MARK2: variants seen among roughly 807,000 people sequenced by gnomAD.
The protein encoded by MARK2 is serine/threonine-protein kinase MARK2.
A neutral mutation model predicts 89.8 loss-of-function variants in MARK2; 16 were observed. The ratio of observed to expected loss-of-function variants is 0.18; its 90% CI spans 0.12 to 0.27. The LOEUF (loss-of-function observed/expected upper bound fraction) is 0.27. Among genes scored for constraint, MARK2 ranks in the 10% least tolerant of loss-of-function variants. The probability of loss-of-function intolerance (pLI) is 1.00; values close to 1 mark genes in which losing one functional copy is unlikely to be tolerated. For missense variants in MARK2, 621 were observed against 1,049.9 expected, an observed-to-expected ratio of 0.59 and a Z score of 5.65; for synonymous variants, 382 against 399.5, an observed-to-expected ratio of 0.96 and a Z score of 0.52.
Position 63,840,583 on chromosome 11 carries a change from C to T in MARK2, c.54+1023C>T, listed in dbSNP as rs953570712. Among the ~76,000 whole-genome samples the T allele has an allele frequency of 3.3e-5, 5 of 152,188 alleles. No individual in the cohort carries two copies. The East Asian group carries it at 7.7e-4, about 23-fold the overall frequency. Reference sequence around the variant, plus strand: ...TGATGACTTTCTGTGTCTTCACTCCCGTGCCTGGCACTTAGAGTATTTTCT... The same window carrying T: ...TGATGACTTTCTGTGTCTTCACTCCTGTGCCTGGCACTTAGAGTATTTTCT... On this transcript the variant is annotated intron_variant, in intron 1 of 18. Coordinates refer to ENST00000402010, the MANE Select transcript of MARK2 (RefSeq NM_001039469.3).
intron 1 of MARK2, among the ~76,000 whole-genome samples, chr11:63,871,090 AGTTAT>A (rs1938418639): frequency 6.6e-6 from 1 of 152,190 alleles, no homozygotes; most frequent in South Asian, 2.1e-4. Flanking sequence ...ACATAAAATC[AGTTAT>A]GTTTGTGTGT....
At chr11:63,854,513 A>G (rs1430573529) in intron 1 of MARK2, among the ~76,000 whole-genome samples, 1 of 149,718 alleles carries the variant, frequency 6.7e-6, no homozygotes, top group Non-Finnish European at 1.5e-5. Flanking sequence ...CACCATGCCC[A>G]GTCTTTTATT....
At chr11:63,882,967 C>T (rs770011980) in intron 1 of MARK2, among the ~76,000 whole-genome samples, 5 of 152,180 alleles carry the variant, frequency 3.3e-5, no homozygotes, top group African/African-American at 4.8e-5. Flanking sequence ...TCTGCCTACC[C>T]CCACCACCCC....
chr11:63,899,233 T>C (rs373676706), intron 7 of MARK2, 125 bp downstream of exon 7: 212 of 681,334 alleles, frequency 3.1e-4, no homozygotes, highest in East Asian at 2.4e-3. Context: ...GCCTTTCTTT[T>C]TTTCTTTCTT....
At chr11:63,879,971 G>A (rs1938993201) in intron 1 of MARK2, among the ~76,000 whole-genome samples, 1 of 152,172 alleles carries the variant, frequency 6.6e-6, no homozygotes, top group African/African-American at 2.4e-5. Flanking sequence ...CAGCAATGCT[G>A]GGACTAGGGG....
intron 17 of MARK2, among the ~76,000 whole-genome samples, chr11:63,907,456 T>C (rs1283104000): frequency 6.6e-6 from 1 of 152,172 alleles, no homozygotes; most frequent in African/African-American, 2.4e-5. Flanking sequence ...TCCTCTCATA[T>C]CCTTCCTCCT....
At chr11:63,868,947 G>A (rs1238230584) in intron 1 of MARK2, 4 of 446,422 alleles carry the variant, frequency 9.0e-6, no homozygotes, top group African/African-American at 2.0e-5. Context: ...TCTCAGAGCA[G>A]ATCAGTCGCT....
chr11:63,885,228 C>T (rs1211279308), intron 1 of MARK2, among the ~76,000 whole-genome samples: 1 of 152,082 alleles, frequency 6.6e-6, no homozygotes, highest in Non-Finnish European at 1.5e-5. Context: ...GCCACAGGCA[C>T]ATGACCTTTC....
chr11:63,904,147 G>A lies in MARK2; in HGVS notation c.1676G>A (p.Ser559Asn). 6.4e-7 allele frequency: 1 copy of A among 1,570,926 alleles called. No homozygotes were observed. Residue 559 changes from serine to asparagine, a missense_variant and splice_region_variant, in exon 15 of 19, where the codon AGC becomes AAC. Coordinates refer to ENST00000402010, the MANE Select transcript of MARK2 (RefSeq NM_001039469.3). The surrounding 1 kb of genome is among the most constrained non-coding windows in gnomAD (Gnocchi z 6.3). ...TESNCEVPRPSTAPQRVPVAS... is the reference protein window; with the variant it reads ...TESNCEVPRPNTAPQRVPVAS... ...AGTAACTGTGAGGTGCCGCGGCCCA[G>A]GCAAGTGTGCTGGGGCAGCTGGTGC... is the stretch of plus-strand genomic sequence containing the variant.
chr11:63,892,658 C>T (rs975683795), intron 1 of MARK2, among the ~76,000 whole-genome samples: 17 of 151,056 alleles, frequency 1.1e-4, no homozygotes, highest in Non-Finnish European at 1.5e-4. Context: ...TATGCTGGAG[C>T]GATCGCTCCA....
intron 1 of MARK2, among the ~76,000 whole-genome samples, chr11:63,872,536 G>A (rs1011636069): frequency 3.9e-5 from 6 of 152,054 alleles, no homozygotes; most frequent in Non-Finnish European, 7.4e-5. Context: ...TTGTTTCCAT[G>A]CTTGTCCAGT....
intron 1 of MARK2, among the ~76,000 whole-genome samples, chr11:63,879,552 A>G (rs1938970179): frequency 1.3e-5 from 2 of 151,518 alleles, no homozygotes; most frequent in Non-Finnish European, 1.5e-5. Context: ...TCATTCCACA[A>G]CTTAGGTGCC....
intron 3 of MARK2, 50 bp from the exon 4 acceptor site, chr11:63,898,182 C>T (rs1182286954): frequency 1.2e-5 from 19 of 1,535,248 alleles, no homozygotes; most frequent in Non-Finnish European, 1.5e-5. Context: ...TTGGAGAGAC[C>T]TGATGGGAGC....
intron 7 of MARK2, 50 bp from the exon 8 acceptor site, chr11:63,899,824 C>T: frequency 1.6e-6 from 2 of 1,237,634 alleles, no homozygotes; most frequent in Non-Finnish European, 2.4e-6. Context: ...CTGCCCAGGG[C>T]CTTAGTCTGG....
intron 1 of MARK2, among the ~76,000 whole-genome samples, chr11:63,868,142 C>T (rs771809147): frequency 2.6e-4 from 40 of 151,834 alleles, no homozygotes; most frequent in Non-Finnish European, 4.9e-4. Context: ...CTGTAATCCC[C>T]GCACTTTGGG....
chr11:63,877,100 C>CTTTT (rs757123411), intron 1 of MARK2, among the ~76,000 whole-genome samples: 10 of 79,472 alleles, frequency 1.3e-4, no homozygotes, highest in African/African-American at 2.4e-4. Flanking sequence ...CAATCAGACT[C>CTTTT]TTTTTTTTTT....
Position 63,902,097 on chromosome 11 carries a change from G to T in MARK2, c.1102-101G>T. On this transcript the variant is annotated intron_variant, in intron 11 of 18. Coordinates refer to ENST00000402010, the MANE Select transcript of MARK2 (RefSeq NM_001039469.3). The surrounding 1 kb of genome is among the most constrained non-coding windows in gnomAD (Gnocchi z 4.2). Reference sequence around the variant, plus strand: ...TGGATGTCCGGTATGATCCTGGGGTGTTTGAGTGTTGGGAGAGGGCGGTAT... The same window carrying T: ...TGGATGTCCGGTATGATCCTGGGGTTTTTGAGTGTTGGGAGAGGGCGGTAT... The T allele has an allele frequency of 1.5e-6, 2 of 1,307,882 alleles. No homozygotes were observed. The highest frequency in any genetic ancestry group is 1.1e-6 in the Non-Finnish European group (1 of 935,020). The allele number at this position is 1,307,882 out of a possible 1,614,324, so 81.0% of individuals were successfully genotyped here.
chr11:63,849,809 C>A (rs2016474623), intron 1 of MARK2, among the ~76,000 whole-genome samples: 1 of 152,202 alleles, frequency 6.6e-6, no homozygotes, highest in African/African-American at 2.4e-5. Flanking sequence ...AATCCTGGAT[C>A]ATCCTCTCCT....
intron 1 of MARK2, among the ~76,000 whole-genome samples, chr11:63,886,215 C>T (rs1319427771): frequency 1.3e-5 from 2 of 152,130 alleles, no homozygotes; most frequent in East Asian, 3.9e-4. Flanking sequence ...TTACCTCCAC[C>T]TCCTGGACTG....
Sources: allele counts gnomAD v4.1 joint callset (sites outside exome capture counted in the v4.1 genomes callset), GRCh38; gene constraint gnomAD v4.1.1; non-coding constraint Gnocchi (gnomAD v3.1); transcripts MANE v1.5; gene names NCBI Gene and HGNC (gene_info 2026-07-23, HGNC 2026-07-21).